Variants in RGS6 observed in about 807,000 individuals in gnomAD.
RGS6 encodes the protein regulator of G protein signaling 6, also known as regulator of G-protein signaling 6.
RGS6 carries 30 observed loss-of-function variants against 78.5 expected under a neutral mutation model. The observed-to-expected ratio is 0.38, with a 90% confidence interval of 0.29 to 0.52. The LOEUF (loss-of-function observed/expected upper bound fraction) is 0.52, where lower values mean the gene tolerates loss of function less well. RGS6 is among the 20% of genes least tolerant of loss of function. RGS6 has a pLI of 0.85. For synonymous variants in RGS6, 206 were observed against 206.0 expected (o/e 1.00, Z 0.00); for missense variants, 495 against 609.7 (o/e 0.81, Z 1.98).
intron 2 of RGS6, among the ~76,000 whole-genome samples, chr14:72,176,484 G>C (rs182498665): frequency 2.0e-5 from 3 of 152,356 alleles, no homozygotes; most frequent in South Asian, 4.1e-4. Context: ...ATGGCACACA[G>C]AGCCTGCTGA....
chr14:72,335,508 G>C (rs2075864224), intron 2 of RGS6, among the ~76,000 whole-genome samples: 1 of 152,162 alleles, frequency 6.6e-6, no homozygotes, highest in South Asian at 2.1e-4. Flanking sequence ...TGGCTCAACA[G>C]GTGCTTCTAC....
intron 2 of RGS6, among the ~76,000 whole-genome samples, chr14:72,088,074 A>G (rs1242994775): frequency 1.3e-5 from 2 of 152,158 alleles, no homozygotes; most frequent in Non-Finnish European, 2.9e-5. Context: ...AGAGAAGACC[A>G]GAATCTTTTG....
At chr14:72,274,037 C>G (rs2060318417) in intron 2 of RGS6, among the ~76,000 whole-genome samples, 1 of 152,130 alleles carries the variant, frequency 6.6e-6, no homozygotes, top group African/African-American at 2.4e-5. Flanking sequence ...AGTGCTAATT[C>G]CAGGCTAGGA....
the RGS6 span, among the ~76,000 whole-genome samples, chr14:71,867,437 CCAT>C: frequency 0.4 from 60,652 of 151,664 alleles, 12,530 homozygotes; most frequent in African/African-American, 0.49. Flanking sequence ...GTCTCCCATC[CCAT>C]CATCTCACAT....
intron 3 of RGS6, among the ~76,000 whole-genome samples, chr14:72,356,250 G>T (rs2529465): frequency 0.4 from 61,324 of 151,706 alleles, 15,156 homozygotes; most frequent in African/African-American, 0.7. Flanking sequence ...CTCCCGTGCT[G>T]TTCTCATAAT....
At chr14:72,328,422 A>G (rs897878325) in intron 2 of RGS6, among the ~76,000 whole-genome samples, 9 of 152,222 alleles carry the variant, frequency 5.9e-5, no homozygotes, top group Non-Finnish European at 1.0e-4. Flanking sequence ...GAAAAGTATC[A>G]AACACTCTGT....
intron 2 of RGS6, among the ~76,000 whole-genome samples, chr14:72,184,069 C>G (rs747437202): frequency 2.6e-5 from 4 of 151,612 alleles, no homozygotes; most frequent in Non-Finnish European, 5.9e-5. Context: ...ATTGGACTTT[C>G]CTAATTAAAA....
chr14:72,568,353 G>A (rs751789625), downstream of RGS6, among the ~76,000 whole-genome samples: 8 of 152,208 alleles, frequency 5.3e-5, no homozygotes, highest in Non-Finnish European at 1.2e-4. Context: ...GTTAGCTGGA[G>A]CCATGTCTGA....
At chr14:72,033,108 A>G (rs2091164442) in intron 2 of RGS6, among the ~76,000 whole-genome samples, 2 of 152,232 alleles carry the variant, frequency 1.3e-5, no homozygotes, top group African/African-American at 2.4e-5. Flanking sequence ...GAACACTTAC[A>G]TTAGTCTATG....
chr14:72,345,446 T>C (rs1351612887), intron 2 of RGS6, among the ~76,000 whole-genome samples: 1 of 152,226 alleles, frequency 6.6e-6, no homozygotes, highest in Admixed American at 6.5e-5. Flanking sequence ...ATCATTGTCA[T>C]AGTTAGCGGG....
At chr14:72,378,776 T>C (rs1218295012) in intron 3 of RGS6, among the ~76,000 whole-genome samples, 3 of 152,262 alleles carry the variant, frequency 2.0e-5, no homozygotes, top group Non-Finnish European at 1.5e-5. Context: ...AGAAAATTAA[T>C]GCTAATTTTT....
rs139179890 is a variant in RGS6 at position 72,296,037 on chromosome 14, A to G, written c.85-56058A>G. On this transcript the variant is annotated intron_variant, in intron 2 of 17. Coordinates refer to ENST00000553525, the MANE Select transcript of RGS6 (RefSeq NM_001204424.2). ...CCTTCCCAATAAATCTTTCCCACCC[A>G]GAAGCAATCACAGATGTGATGTCTA... 2.3e-3 allele frequency among the ~76,000 whole-genome samples: 357 copies of G among 152,354 alleles called. 1 individual carries two copies. Among genetic ancestry groups the G allele is most frequent in the Non-Finnish European group, 3.9e-3 (268 of 68,030 alleles).
At chr14:72,048,220 C>T (rs571185749) in intron 2 of RGS6, among the ~76,000 whole-genome samples, 111 of 152,250 alleles carry the variant, frequency 7.3e-4, no homozygotes, top group African/African-American at 2.2e-3. Context: ...TTCACTTTAA[C>T]GGGGTTACCA....
At chr14:72,172,625 T>A (rs1050106524) in intron 2 of RGS6, among the ~76,000 whole-genome samples, 1 of 152,218 alleles carries the variant, frequency 6.6e-6, no homozygotes, top group Non-Finnish European at 1.5e-5. Flanking sequence ...CTTTAAAATG[T>A]TAAACTTTTA....
the RGS6 span, among the ~76,000 whole-genome samples, chr14:72,601,332 C>T: frequency 1.5e-4 from 23 of 151,964 alleles, no homozygotes; most frequent in African/African-American, 5.6e-4. Context: ...ACCACCCCCA[C>T]CCCCGAATCT....
the RGS6 span, among the ~76,000 whole-genome samples, chr14:72,602,444 T>C: frequency 6.6e-6 from 1 of 152,118 alleles, no homozygotes; most frequent in Non-Finnish European, 1.5e-5. Flanking sequence ...GACGAGGAAA[T>C]TGAGGCTCAT....
chr14:72,122,541 C>G (rs1418327886), intron 2 of RGS6, among the ~76,000 whole-genome samples: 2 of 152,164 alleles, frequency 1.3e-5, no homozygotes, highest in African/African-American at 4.8e-5. Flanking sequence ...TTCTTCTTAG[C>G]TTTCTTGCAT....
chr14:72,292,260 G>T (rs1384870029), intron 2 of RGS6, among the ~76,000 whole-genome samples: 1 of 152,148 alleles, frequency 6.6e-6, no homozygotes, highest in African/African-American at 2.4e-5. Context: ...GCTGTCGTTT[G>T]TTCTCCTCCC....
chr14:72,003,307 G>A lies in RGS6; in HGVS notation c.84+38432G>A, dbSNP rs550837378. On this transcript the variant is annotated intron_variant, in intron 2 of 17. Coordinates refer to ENST00000553525, the MANE Select transcript of RGS6 (RefSeq NM_001204424.2). The stretch of plus-strand genomic sequence containing the variant: ...CAAAATTTACCATTCGACGTTGTTG[G>A]TATATTATTACTTTGTAAAAATCAT... 2.0e-5 allele frequency among the ~76,000 whole-genome samples: 3 copies of A among 152,220 alleles called. No homozygotes were observed. The East Asian group carries it at 5.8e-4, about 29-fold the overall frequency.
Sources: allele counts gnomAD v4.1 joint callset (sites outside exome capture counted in the v4.1 genomes callset), GRCh38; gene constraint gnomAD v4.1.1; transcripts MANE v1.5; gene names NCBI Gene and HGNC (gene_info 2026-07-23, HGNC 2026-07-21).